The following ZNF618 variants were observed in gnomAD, a reference collection of about 807,000 sequenced individuals.
ZNF618 encodes the protein neural precursor cell expressed, developmentally down-regulated 10.
Under a neutral mutation model 103.0 loss-of-function variants are expected in ZNF618, and 34 were observed. That is an observed-to-expected ratio of 0.33 (90% CI 0.25 to 0.44). ZNF618 has a LOEUF of 0.44. Among genes scored for constraint, ZNF618 ranks in the 20% least tolerant of loss-of-function variants. ZNF618 has a pLI of 1.00. For missense variants in ZNF618, 1,059 were observed against 1,295.4 expected (o/e 0.82, Z 2.80); for synonymous variants, 551 against 542.2 (o/e 1.02, Z -0.23).
intron 1 of ZNF618, among the ~76,000 whole-genome samples, chr9:113,950,534 A>G (rs1256551351): frequency 1.3e-5 from 2 of 152,222 alleles, no homozygotes; most frequent in African/African-American, 4.8e-5. Context: ...GTTTGAGCCC[A>G]GCCAGGCTTA....
Position 113,876,409 on chromosome 9 carries a change from C to T in ZNF618, c.29C>T (p.Pro10Leu). Residue 10 changes from proline to leucine, a missense_variant, in exon 1 of 15, where the codon CCG becomes CTG. Pro to Leu is a moderately conservative substitution (Grantham distance 98). Transcript: ENST00000374126. MNQPGGAAA[P>L]QADGASAAGR... ...AACCAGCCGGGCGGCGCGGCGGCTC[C>T]GCAGGTACGACGGGGGGCCGGGGGC... The T allele has an allele frequency of 1.7e-6, 2 of 1,202,432 alleles. No homozygotes were observed. The allele number at this position is 1,202,432 out of a possible 1,614,324, so 74.5% of individuals were successfully genotyped here.
At chr9:113,910,435 G>A (rs992066841) in intron 1 of ZNF618, among the ~76,000 whole-genome samples, 5 of 152,152 alleles carry the variant, frequency 3.3e-5, no homozygotes, top group Non-Finnish European at 7.4e-5. Context: ...ATCAGCTTCC[G>A]GGGCTTAGAA....
chr9:113,904,897 C>T (rs1158763740), intron 1 of ZNF618, among the ~76,000 whole-genome samples: 1 of 152,192 alleles, frequency 6.6e-6, no homozygotes, highest in Non-Finnish European at 1.5e-5. Flanking sequence ...CCACTCCAAC[C>T]ATCCAGCATA....
intron 2 of ZNF618, among the ~76,000 whole-genome samples, chr9:113,974,997 C>T (rs192609298): frequency 6.6e-6 from 1 of 152,280 alleles, no homozygotes; most frequent in East Asian, 1.9e-4. Flanking sequence ...AATATATATA[C>T]CCTTAGCACA....
intron 13 of ZNF618, among the ~76,000 whole-genome samples, chr9:114,046,714 C>T (rs1337900237): frequency 6.6e-6 from 1 of 152,106 alleles, no homozygotes; most frequent in African/African-American, 2.4e-5. Flanking sequence ...AACTTCCCTT[C>T]GATTCCTAGT....
intron 1 of ZNF618, among the ~76,000 whole-genome samples, chr9:113,954,006 G>A (rs1351805333): frequency 6.6e-6 from 1 of 152,182 alleles, no homozygotes; most frequent in Non-Finnish European, 1.5e-5. Flanking sequence ...AAAAGGAAGG[G>A]GAAGGGCCCT....
intron 1 of ZNF618, among the ~76,000 whole-genome samples, chr9:113,919,243 C>T (rs949823494): frequency 1.3e-5 from 2 of 152,138 alleles, no homozygotes; most frequent in Admixed American, 1.3e-4. Flanking sequence ...CTTGGTTGAA[C>T]AGCAGCCGCG....
rs1361373122 is a variant in ZNF618 at position 114,052,213 on chromosome 9, A to C, written c.*2046A>C. ...CCTGGAACATAGTGTTTGGGGGCCA[A>C]GCCTGCACACTTTGCCTCATGAGAA... On this transcript the variant is annotated 3_prime_UTR_variant, in exon 15 of 15. Coordinates refer to ENST00000374126, the MANE Select transcript of ZNF618 (RefSeq NM_001318042.2). The C allele has an allele frequency of 6.5e-6, 1 of 152,704 alleles. No homozygotes were observed. Among genetic ancestry groups the C allele is most frequent in the Non-Finnish European group, 1.5e-5 (1 of 68,092 alleles). The allele number at this position is 152,704 out of a possible 1,614,324, so 9.5% of individuals were successfully genotyped here.
Position 114,008,374 on chromosome 9 carries a change from G to C in ZNF618, c.671G>C (p.Arg224Pro). ...VFSVEGAPEN[R>P]ADPFDQGVVA... ...AGTGTGGAAGGGGCCCCTGAGAACC[G>C]GGCAGGTAAGTCCTTGGTGTCTGCT... is the stretch of plus-strand genomic sequence containing the variant. The change falls in exon 8 of 15, where the codon CGG becomes CCG. Residue 224 changes from arginine to proline, a missense_variant. This residue lies in a region of ZNF618 where 434 missense variants were observed against 476.0 expected (regional missense o/e 0.91). Coordinates refer to ENST00000374126, the MANE Select transcript of ZNF618 (RefSeq NM_001318042.2). 6.2e-7 allele frequency: 1 copy of C among 1,613,960 alleles called. No individual in the cohort carries two copies. The highest frequency in any genetic ancestry group is 1.1e-5 in the South Asian group (1 of 91,064).
chr9:114,008,436 C>G (rs1188917253), intron 8 of ZNF618, 41 bp from the exon 9 acceptor site: 1 of 1,613,676 alleles, frequency 6.2e-7, no homozygotes, highest in Admixed American at 1.7e-5. Flanking sequence ...CTCCTGAGAC[C>G]TGGGGGACCA....
chr9:113,940,128 A>C (rs1022929901), intron 1 of ZNF618, among the ~76,000 whole-genome samples: 1 of 152,078 alleles, frequency 6.6e-6, no homozygotes. Context: ...TTCTCAAAAA[A>C]AAAAATACTC....
At chr9:113,876,497 A>C in intron 1 of ZNF618, 84 bp downstream of exon 1, 5 of 1,063,012 alleles carry the variant, frequency 4.7e-6, no homozygotes, top group Non-Finnish European at 5.9e-6. Flanking sequence ...TCATTGCAAG[A>C]TTTGCAAAAT....
At chr9:113,942,052 A>G (rs1212620047) in intron 1 of ZNF618, among the ~76,000 whole-genome samples, 1 of 152,144 alleles carries the variant, frequency 6.6e-6, no homozygotes, top group Non-Finnish European at 1.5e-5. Flanking sequence ...CAAAACATTT[A>G]GGACAATGTC....
At chr9:114,001,918 G>A (rs1841251149) in intron 4 of ZNF618, 78 bp from the exon 5 acceptor site, 4 of 1,240,086 alleles carry the variant, frequency 3.2e-6, no homozygotes, top group Middle Eastern at 1.8e-4. Flanking sequence ...AGCCACACTT[G>A]TAGGCATCGC....
At chr9:113,931,312 G>A (rs1833567064) in intron 1 of ZNF618, among the ~76,000 whole-genome samples, 1 of 152,220 alleles carries the variant, frequency 6.6e-6, no homozygotes, top group Middle Eastern at 3.2e-3. Context: ...CAGTTTAGGA[G>A]CGTGGGGCAG....
At position 113,988,389 on chromosome 9, in the gene ZNF618, C is replaced by T. The variant is rs780396604; in HGVS notation, c.146C>T (p.Ser49Leu). Residue 49 changes from serine (S) to leucine (L), a missense_variant, in exon 3 of 15, where the codon TCG becomes TTG. This residue lies in a region of ZNF618 where 194 missense variants were observed against 209.0 expected (regional missense o/e 0.93). Coordinates refer to ENST00000374126, the MANE Select transcript of ZNF618 (RefSeq NM_001318042.2). ...EGPEPVPAEA[S>L]LSAEQGTMTE... ...CCAGAGCCAGTGCCAGCCGAGGCCT[C>T]GCTGAGTGCCGAGCAAGGAACGATG... 13 of 1,613,542 alleles carry T rather than the reference C, an allele frequency of 8.1e-6. No homozygotes were observed. The highest frequency in any genetic ancestry group is 6.7e-5 in the East Asian group (3 of 44,882).
At position 114,048,726 on chromosome 9, in the gene ZNF618, G is replaced by A; in HGVS notation, c.1424G>A (p.Arg475Lys). 1 of 1,614,048 alleles carries A rather than the reference G, an allele frequency of 6.2e-7. No individual in the cohort carries two copies. The highest frequency in any genetic ancestry group is 8.5e-7 in the Non-Finnish European group (1 of 1,179,904). ...CAGAACATCGCAGAGCGGCTGTTGA[G>A]GGTCATGTGTGCCGACCTGGGTGCA... is the stretch of plus-strand genomic sequence containing the variant. Reference protein sequence around the residue: ...ERQNIAERLLRVMCADLGALS... With the variant: ...ERQNIAERLLKVMCADLGALS... Residue 475 changes from arginine to lysine, a missense_variant, in exon 15 of 15, where the codon AGG (arginine) becomes AAG (lysine). Arg to Lys is a conservative substitution (Grantham distance 26). Transcript: ENST00000374126.
At chr9:113,911,921 A>G (rs1405409348) in intron 1 of ZNF618, among the ~76,000 whole-genome samples, 1 of 152,174 alleles carries the variant, frequency 6.6e-6, no homozygotes, top group Non-Finnish European at 1.5e-5. Flanking sequence ...TTCAATCTAG[A>G]AGGAGTCTTG....
At chr9:113,965,293 T>A (rs10982018) in intron 1 of ZNF618, among the ~76,000 whole-genome samples, 1 of 152,162 alleles carries the variant, frequency 6.6e-6, no homozygotes, top group Admixed American at 6.5e-5. Flanking sequence ...TGCACAAATT[T>A]AGAAATAAAA....
Sources: allele counts gnomAD v4.1 joint callset (sites outside exome capture counted in the v4.1 genomes callset), GRCh38; gene constraint gnomAD v4.1.1; regional missense constraint gnomAD v4.1.1; transcripts MANE v1.5; gene names NCBI Gene and HGNC (gene_info 2026-07-23, HGNC 2026-07-21).